COLGALT2: variants seen among roughly 807,000 people sequenced by gnomAD.
COLGALT2 encodes the protein collagen beta(1-O)galactosyltransferase 2.
In COLGALT2, 49 loss-of-function variants were observed where a neutral mutation model predicts 73.4. That is an observed-to-expected ratio of 0.67 (90% CI 0.53 to 0.85). COLGALT2 has a LOEUF of 0.85. COLGALT2 is among the 40% of genes least tolerant of loss of function. COLGALT2 has a pLI of 0.00. For synonymous variants in COLGALT2, 295 were observed against 307.6 expected (o/e 0.96, Z 0.43); for missense variants, 722 against 790.2 (o/e 0.91, Z 1.03).
intron 1 of COLGALT2, among the ~76,000 whole-genome samples, chr1:184,015,897 T>C (rs969343519): frequency 2.6e-5 from 4 of 152,264 alleles, no homozygotes; most frequent in Non-Finnish European, 4.4e-5. Flanking sequence ...AACTATTAAA[T>C]ATTAGATATT....
intron 1 of COLGALT2, among the ~76,000 whole-genome samples, chr1:184,003,481 CAGTCATGGGAGTGATG>C (rs543426606): frequency 0.015 from 2,231 of 152,274 alleles, 21 homozygotes; most frequent in Middle Eastern, 0.034. Context: ...GTCCAGGGAC[CAGTCATGGGAGTGATG>C]AGCCTTCAGA....
intron 5 of COLGALT2, among the ~76,000 whole-genome samples, chr1:183,967,634 T>C (rs1469204101): frequency 6.6e-6 from 1 of 152,228 alleles, no homozygotes; most frequent in East Asian, 1.9e-4. Flanking sequence ...CTTTGTGCAG[T>C]GACTATAAAG....
At chr1:183,945,373 A>G (rs1670220548) in intron 9 of COLGALT2, 59 bp downstream of exon 9, 1 of 1,587,926 alleles carries the variant, frequency 6.3e-7, no homozygotes, top group African/African-American at 1.3e-5. Flanking sequence ...CTCACCTACG[A>G]TAGCCTGCTT....
intron 1 of COLGALT2, among the ~76,000 whole-genome samples, chr1:184,031,378 A>T (rs1395032896): frequency 6.6e-6 from 1 of 152,184 alleles, no homozygotes; most frequent in African/African-American, 2.4e-5. Flanking sequence ...GTCCCTATGA[A>T]ATATACCAAA....
intron 1 of COLGALT2, among the ~76,000 whole-genome samples, chr1:184,007,841 C>T (rs1381389747): frequency 6.6e-6 from 1 of 152,154 alleles, no homozygotes; most frequent in African/African-American, 2.4e-5. Flanking sequence ...CCAACATTAC[C>T]TCATCTTTCT....
chr1:183,991,842 A>G (rs1441620018), intron 1 of COLGALT2, among the ~76,000 whole-genome samples: 1 of 152,122 alleles, frequency 6.6e-6, no homozygotes, highest in Non-Finnish European at 1.5e-5. Context: ...CAGGGCAAAC[A>G]GGAGGCTATT....
intron 1 of COLGALT2, among the ~76,000 whole-genome samples, chr1:184,026,082 G>A (rs17571675): frequency 0.14 from 21,341 of 152,210 alleles, 1,810 homozygotes; most frequent in Non-Finnish European, 0.19. Context: ...TGTTACAGGA[G>A]AAACTAAGTG....
chr1:183,997,687 C>T (rs1671807236), intron 1 of COLGALT2, among the ~76,000 whole-genome samples: 1 of 152,192 alleles, frequency 6.6e-6, no homozygotes, highest in Non-Finnish European at 1.5e-5. Context: ...GTTGGACAAG[C>T]TTGCTTTATA....
chr1:183,938,354 G>T lies in COLGALT2; in HGVS notation c.*407C>A. On this transcript the variant is annotated 3_prime_UTR_variant, in exon 12 of 12. Transcript: ENST00000361927. Reference sequence around the variant, plus strand: ...TAAAACGGACAAACTAGACCAATAAGTGTGGTCTAGTTGGCCTGGCTGCCT... The same window carrying T: ...TAAAACGGACAAACTAGACCAATAATTGTGGTCTAGTTGGCCTGGCTGCCT... 1 of 1,022,682 alleles carries T rather than the reference G, an allele frequency of 9.8e-7. No individual in the cohort carries two copies. The highest frequency in any genetic ancestry group is 4.0e-5 in the South Asian group (1 of 24,898). 63.4% of individuals were successfully genotyped at this position (1,022,682 alleles called of 1,614,324 possible). A position where few individuals can be genotyped will look rare whatever the true frequency, so the allele number is the denominator to read the frequency against.
At chr1:183,950,768 A>G (rs1408763913) in intron 8 of COLGALT2, among the ~76,000 whole-genome samples, 1 of 152,200 alleles carries the variant, frequency 6.6e-6, no homozygotes. Context: ...CGGGACAATC[A>G]CATCCAATGT....
chr1:184,024,599 C>T (rs1649275038), intron 1 of COLGALT2, among the ~76,000 whole-genome samples: 1 of 151,126 alleles, frequency 6.6e-6, no homozygotes, highest in African/African-American at 2.4e-5. Flanking sequence ...GTTCTGCCTG[C>T]CTTGGCCTCC....
chr1:183,981,033 T>A (rs1205977326), intron 1 of COLGALT2, among the ~76,000 whole-genome samples: 1 of 151,880 alleles, frequency 6.6e-6, no homozygotes, highest in African/African-American at 2.4e-5. Context: ...AAGCAGATAC[T>A]AAAAAAATAA....
At chr1:183,957,027 C>G (rs1670571593) in intron 6 of COLGALT2, among the ~76,000 whole-genome samples, 1 of 152,052 alleles carries the variant, frequency 6.6e-6, no homozygotes, top group Admixed American at 6.6e-5. Context: ...GGAAATAATC[C>G]TTCCCTGTAC....
intron 9 of COLGALT2, 144 bp from the exon 10 acceptor site, chr1:183,944,467 G>A: frequency 5.7e-6 from 5 of 871,850 alleles, no homozygotes; most frequent in South Asian, 3.7e-5. Context: ...CAGTAGAATA[G>A]ATAATAAACT....
In COLGALT2 at chr1:183,937,842, A is replaced by T. The variant is rs1401281562; in HGVS notation, c.*919T>A. 1 of 985,320 alleles carries T rather than the reference A, an allele frequency of 1.0e-6. No individual in the cohort carries two copies. Among genetic ancestry groups the T allele is most frequent in the Non-Finnish European group, 1.2e-6 (1 of 829,936 alleles). 61.0% of individuals were successfully genotyped at this position (985,320 alleles called of 1,614,324 possible). ...AAATGTGCTCTGTCTCTTAGCAGTGACTCACAGAACTCACACCTGCGGTGG... is the reference window on the plus strand; with the variant it reads ...AAATGTGCTCTGTCTCTTAGCAGTGTCTCACAGAACTCACACCTGCGGTGG... On this transcript the variant is annotated 3_prime_UTR_variant, in exon 12 of 12. Transcript: ENST00000361927.
At position 183,972,901 on chromosome 1, in the gene COLGALT2, A is replaced by G. The variant is rs185038780; in HGVS notation, c.627+715T>C. On this transcript the variant is annotated intron_variant, in intron 4 of 11. Transcript: ENST00000361927. ...TTTTTAGTAGAGATGAGGTTTCACC[A>G]TGTTAGCCAGGATGGTCTCAATCTC... Among the ~76,000 whole-genome samples the G allele has an allele frequency of 6.6e-3, 1,000 of 152,216 alleles. 8 individuals carry two copies. Among genetic ancestry groups the G allele is most frequent in the South Asian group, 0.035 (169 of 4,818 alleles).
chr1:183,936,898 G>A lies in COLGALT2; in HGVS notation c.*1863C>T, dbSNP rs1230978138. 2 of 1,231,658 alleles carry A rather than the reference G, an allele frequency of 1.6e-6. No individual in the cohort carries two copies. The highest frequency in any genetic ancestry group is 3.1e-5 in the African/African-American group (2 of 64,418). The allele number at this position is 1,231,658 out of a possible 1,614,324, so 76.3% of individuals were successfully genotyped here. On this transcript the variant is annotated 3_prime_UTR_variant, in exon 12 of 12. Transcript: ENST00000361927. Reference sequence around the variant, plus strand: ...GGAAGGAAGGCCGAGGCTGGCGTCTGGTGGAAGGCAAGCTGCCTCTTGTCC... The same window carrying A: ...GGAAGGAAGGCCGAGGCTGGCGTCTAGTGGAAGGCAAGCTGCCTCTTGTCC...
At chr1:184,033,134 A>C (rs1339977058) in intron 1 of COLGALT2, among the ~76,000 whole-genome samples, 1 of 152,242 alleles carries the variant, frequency 6.6e-6, no homozygotes, top group East Asian at 1.9e-4. Flanking sequence ...TCTTCCCACA[A>C]GCAACAGCAG....
At chr1:183,976,725 A>G (rs1671202933) in intron 2 of COLGALT2, among the ~76,000 whole-genome samples, 1 of 152,188 alleles carries the variant, frequency 6.6e-6, no homozygotes, top group African/African-American at 2.4e-5. Context: ...AGAACTTACA[A>G]CTTATTTAGA....
Sources: allele counts gnomAD v4.1 joint callset (sites outside exome capture counted in the v4.1 genomes callset), GRCh38; gene constraint gnomAD v4.1.1; transcripts MANE v1.5; gene names NCBI Gene and HGNC (gene_info 2026-07-23, HGNC 2026-07-21).